Variants in SMARCC2 observed in about 807,000 individuals in gnomAD.
SMARCC2 encodes the protein SWI/SNF complex subunit SMARCC2.
In SMARCC2, 15 loss-of-function variants were observed where a neutral mutation model predicts 151.3. That is an observed-to-expected ratio of 0.10 (90% confidence interval 0.07 to 0.15). The LOEUF (loss-of-function observed/expected upper bound fraction) is 0.15. Among genes scored for constraint, SMARCC2 ranks in the 10% least tolerant of loss-of-function variants. SMARCC2 has a pLI of 1.00. For missense variants in SMARCC2, 1,031 were observed against 1,599.7 expected (o/e 0.64, Z 6.06); for synonymous variants, 590 against 609.5 (o/e 0.97, Z 0.47).
At chr12:56,170,694 C>T (rs1298477663) in intron 22 of SMARCC2, among the ~76,000 whole-genome samples, 2 of 147,664 alleles carry the variant, frequency 1.4e-5, no homozygotes, top group Non-Finnish European at 3.0e-5. Flanking sequence ...GGATTACAGG[C>T]ATGAGCCACT....
rs1450021715 is a variant in SMARCC2, at chr12:56,178,530, T to C, written c.1184A>G (p.Glu395Gly). 2 of 1,614,240 alleles carry C rather than the reference T, an allele frequency of 1.2e-6. No homozygotes were observed. The highest frequency in any genetic ancestry group is 2.2e-5 in the South Asian group (2 of 91,088). ...CTTGTTCCCCGTACTGTTCTCATCC[T>C]CATCCTACGAGTATGGAGGCTGCTG... is the stretch of plus-strand genomic sequence containing the variant. ...DESMETTGKDEDENSTGNKGE... is the reference protein window; with the variant it reads ...DESMETTGKDGDENSTGNKGE... The change falls in exon 14 of 29, where the codon GAG becomes GGG. Residue 395 changes from glutamate to glycine, a missense_variant. Glu to Gly is a moderately conservative substitution (Grantham distance 98). Around this residue, in one of 12 missense-constraint regions of SMARCC2, gnomAD observed 127 missense variants for 141.7 expected, o/e 0.90. Coordinates refer to ENST00000550164, the MANE Select transcript of SMARCC2 (RefSeq NM_001330288.2).
At chr12:56,182,142 C>T in intron 7 of SMARCC2, 63 bp from the exon 8 acceptor site, 3 of 1,158,564 alleles carry the variant, frequency 2.6e-6, no homozygotes, top group Non-Finnish European at 3.8e-6. Flanking sequence ...AAGTAAAGTG[C>T]AGATCTTTTA....
chr12:56,164,701 G>A lies in SMARCC2; in HGVS notation c.3263C>T (p.Pro1088Leu), dbSNP rs1239968074. 1.2e-6 allele frequency: 2 copies of A among 1,610,952 alleles called. No individual in the cohort carries two copies. The highest frequency in any genetic ancestry group is 2.7e-5 in the African/African-American group (2 of 74,902). ...GPSPFPNQQT[P>L]PSMMPGAVPG... Reference sequence around the variant, plus strand: ...CACTGCCCCTGGCATCATTGAGGGAGGAGTTTGTTGGTTGGGGAACGGTGA... The same window carrying A: ...CACTGCCCCTGGCATCATTGAGGGAAGAGTTTGTTGGTTGGGGAACGGTGA... The change falls in exon 28 of 29, where the codon CCT becomes CTT. Residue 1088 changes from proline to leucine, a missense_variant. Physicochemically the swap from Pro to Leu is moderately conservative, Grantham distance 98 (BLOSUM62 -3). Coordinates refer to ENST00000550164, the MANE Select transcript of SMARCC2 (RefSeq NM_001330288.2).
At chr12:56,167,843 C>G (rs1168709870) in intron 26 of SMARCC2, among the ~76,000 whole-genome samples, 2 of 151,814 alleles carry the variant, frequency 1.3e-5, no homozygotes, top group Non-Finnish European at 2.9e-5. Flanking sequence ...TGCTTTGAAG[C>G]CCTGTCTGTC....
chr12:56,182,871 T>C (rs1178171860), intron 7 of SMARCC2, among the ~76,000 whole-genome samples: 1 of 149,866 alleles, frequency 6.7e-6, no homozygotes, highest in Non-Finnish European at 1.5e-5. Context: ...TCTTGCTCTA[T>C]TGCCCAGGTT....
In SMARCC2 at chr12:56,171,965, C is replaced by T. The variant is rs199896185; in HGVS notation, c.1927-28G>A. The T allele has an allele frequency of 1.5e-4, 231 of 1,564,938 alleles. No homozygotes were observed. Among genetic ancestry groups the T allele is most frequent in the Non-Finnish European group, 1.7e-4 (200 of 1,153,504 alleles). On this transcript the variant is annotated intron_variant, in intron 20 of 28. Coordinates refer to ENST00000550164, the MANE Select transcript of SMARCC2 (RefSeq NM_001330288.2). The surrounding 1 kb of genome is among the most constrained non-coding windows in gnomAD (Gnocchi z 4.2). ...GGTGGTAGTGGTGGAGACATAACTC[C>T]GCTTACTTAGCCACTTTTCTCGAAG...
rs778981456 is a variant in SMARCC2, at chr12:56,178,466, A to G, written c.1248T>C (p.Asn416=). The G allele has an allele frequency of 2.2e-5, 35 of 1,614,030 alleles. 1 individual carries two copies. The South Asian group carries it at 3.5e-4, about 16-fold the overall frequency. Residue 416 remains asparagine, a synonymous_variant, in exon 14 of 29, where the codon AAT becomes AAC. Coordinates refer to ENST00000550164, the MANE Select transcript of SMARCC2 (RefSeq NM_001330288.2). ...QTKNPDLHED[N]VTEQTHHIII... ...TGATGTGGTGGGTCTGTTCAGTCAC[A>G]TTGTCCTCATGCAGGTCTGGATTCT...
At chr12:56,174,146 C>T (rs889162549) in intron 16 of SMARCC2, among the ~76,000 whole-genome samples, 1 of 152,058 alleles carries the variant, frequency 6.6e-6, no homozygotes, top group African/African-American at 2.4e-5. Flanking sequence ...CTTTTTTTCC[C>T]TAAGAGAGAC....
chr12:56,181,513 G>C lies in SMARCC2; in HGVS notation c.925C>G (p.Pro309Ala), dbSNP rs977626363. 1.3e-6 allele frequency: 2 copies of C among 1,558,112 alleles called. No individual in the cohort carries two copies. The highest frequency in any genetic ancestry group is 1.7e-6 in the Non-Finnish European group (2 of 1,157,284). ...RKRSPSPSPT[P>A]EAKKKNAKKG... ...TTAGCATTTTTCTTCTTTGCTTCTG[G>C]GGTTGGTGAAGGAGAGGGGGAGCGC... Residue 309 changes from proline to alanine, a missense_variant, in exon 10 of 29, where the codon CCA (proline) becomes GCA (alanine). Transcript: ENST00000550164.
At chr12:56,179,481 T>C (rs575470224) in intron 11 of SMARCC2, among the ~76,000 whole-genome samples, 2 of 152,194 alleles carry the variant, frequency 1.3e-5, no homozygotes, top group East Asian at 1.9e-4. Flanking sequence ...AGCTGATTGA[T>C]GAGGAGGTAG....
chr12:56,165,866 T>A (rs1180290633), intron 26 of SMARCC2, among the ~76,000 whole-genome samples, 167 bp from the exon 27 acceptor site: 2 of 152,222 alleles, frequency 1.3e-5, no homozygotes, highest in African/African-American at 2.4e-5. Flanking sequence ...CCCGACTTCG[T>A]GCAAATTCCC....
intron 26 of SMARCC2, among the ~76,000 whole-genome samples, chr12:56,166,350 C>T (rs191427821): frequency 6.6e-6 from 1 of 151,984 alleles, no homozygotes; most frequent in Admixed American, 6.6e-5. Flanking sequence ...CGGGGTTTCA[C>T]CATGTTAGCC....
Position 56,171,556 on chromosome 12 carries a change from T to C in SMARCC2, c.2185+123A>G, listed in dbSNP as rs12320265. ...CTAGTATGGAGCCTAGACAGGTGCC[T>C]GAGCTGAGGCCCGCACAGACAAGGC... On this transcript the variant is annotated intron_variant, in intron 21 of 28. Transcript: ENST00000550164. This position sits in a 1 kb window ranked among gnomAD's most constrained non-coding sequence, Gnocchi z 4.2. The C allele has an allele frequency of 8.3e-3, 12,421 of 1,504,330 alleles. 662 individuals carry two copies. The African/African-American group carries it at 0.13, about 16-fold the overall frequency. The allele number at this position is 1,504,330 out of a possible 1,614,324, so 93.2% of individuals were successfully genotyped here. A position where few individuals can be genotyped will look rare whatever the true frequency, so the allele number is the denominator to read the frequency against.
chr12:56,182,485 C>T (rs774942033), intron 7 of SMARCC2, among the ~76,000 whole-genome samples: 50 of 151,878 alleles, frequency 3.3e-4, no homozygotes, highest in African/African-American at 1.1e-3. Context: ...CCACTGCGCC[C>T]GGCTAATTTT....
chr12:56,180,210 G>A (rs1244740477), intron 11 of SMARCC2, among the ~76,000 whole-genome samples: 3 of 151,380 alleles, frequency 2.0e-5, no homozygotes, highest in Non-Finnish European at 2.9e-5. Context: ...CCAGGTTCAC[G>A]CCATTCTCCT....
intron 16 of SMARCC2, 50 bp downstream of exon 16, chr12:56,174,601 C>A: frequency 8.3e-7 from 1 of 1,203,144 alleles, no homozygotes; most frequent in South Asian, 1.2e-5. Flanking sequence ...AAAACACATC[C>A]ATAGGCAGGC....
At chr12:56,170,735 T>C (rs1286804493) in intron 22 of SMARCC2, among the ~76,000 whole-genome samples, 1 of 138,152 alleles carries the variant, frequency 7.2e-6, no homozygotes, top group Non-Finnish European at 1.6e-5. Context: ...TTTTTTTTTT[T>C]TTTTTTTTTT....
chr12:56,184,733 G>C (rs1021726938), intron 5 of SMARCC2, 111 bp downstream of exon 5: 2 of 679,698 alleles, frequency 2.9e-6, no homozygotes, highest in African/African-American at 3.6e-5. Context: ...CAAGTAGACA[G>C]AGCCACCTCT....
intron 25 of SMARCC2, 36 bp downstream of exon 25, chr12:56,169,493 A>G: frequency 6.9e-6 from 11 of 1,604,190 alleles, no homozygotes; most frequent in Non-Finnish European, 9.4e-6. Flanking sequence ...AGAAGTGGAC[A>G]TTTTCTTCCC....
Sources: gnomAD v4.1 joint callset for allele counts (sites outside exome capture counted in the v4.1 genomes callset) on GRCh38, gnomAD v4.1.1 for gene constraint, gnomAD v4.1.1 regional missense constraint, Gnocchi (gnomAD v3.1) non-coding constraint, MANE v1.5 for transcripts, NCBI Gene and HGNC (gene_info 2026-07-23, HGNC 2026-07-21) for gene names.